Variants in TMC1 observed in about 807,000 individuals in gnomAD.
TMC1 encodes the protein transmembrane channel like 1, also known as transmembrane channel-like protein 1.
In TMC1, 84 loss-of-function variants were observed where a neutral mutation model predicts 105.8. That is an observed-to-expected ratio of 0.79 (90% CI 0.67 to 0.95). The LOEUF (loss-of-function observed/expected upper bound fraction) is 0.95, where lower values mean the gene tolerates loss of function less well. Ranked by LOEUF, TMC1 falls within the 40% of genes least tolerant of loss-of-function variation. TMC1 has a pLI of 0.00. For synonymous variants in TMC1, 315 were observed against 311.5 expected, an observed-to-expected ratio of 1.01 and a Z score of -0.12; for missense variants, 817 against 914.1, an observed-to-expected ratio of 0.89 and a Z score of 1.37.
At chr9:72,713,672 T>C (rs1826871311) in intron 8 of TMC1, among the ~76,000 whole-genome samples, 1 of 152,020 alleles carries the variant, frequency 6.6e-6, no homozygotes, top group Admixed American at 6.6e-5. Context: ...TTTTCTTCTT[T>C]ATTAGTCTGG....
chr9:72,623,162 C>CTT (rs57488888), intron 3 of TMC1, among the ~76,000 whole-genome samples: 8 of 97,136 alleles, frequency 8.2e-5, no homozygotes, highest in South Asian at 3.5e-4. Flanking sequence ...TTTTTTTTTT[C>CTT]TTTTTTTTTT....
intron 7 of TMC1, among the ~76,000 whole-genome samples, chr9:72,695,998 G>T (rs1826544526): frequency 6.6e-6 from 1 of 152,044 alleles, no homozygotes; most frequent in African/African-American, 2.4e-5. Flanking sequence ...TGTAGTAATA[G>T]TTCCTATTTA....
chr9:72,704,371 A>G (rs1826698271), intron 8 of TMC1, among the ~76,000 whole-genome samples: 2 of 152,220 alleles, frequency 1.3e-5, no homozygotes, highest in South Asian at 2.1e-4. Context: ...GGGTTTTAAG[A>G]TATATTTTAG....
At chr9:72,602,255 G>T (rs766729241) in intron 2 of TMC1, among the ~76,000 whole-genome samples, 2 of 151,714 alleles carry the variant, frequency 1.3e-5, no homozygotes, top group African/African-American at 4.8e-5. Context: ...AAGAGCCTGA[G>T]ACTTGAGAAA....
At chr9:72,677,763 T>G (rs1253171539) in intron 5 of TMC1, among the ~76,000 whole-genome samples, 1 of 148,254 alleles carries the variant, frequency 6.7e-6, no homozygotes, top group Non-Finnish European at 1.5e-5. Context: ...AGACTCATGT[T>G]TTGACCTTCC....
chr9:72,620,504 G>A (rs932745945), intron 3 of TMC1, among the ~76,000 whole-genome samples: 1 of 152,066 alleles, frequency 6.6e-6, no homozygotes, highest in African/African-American at 2.4e-5. Flanking sequence ...TCCTACCTCA[G>A]CCTCTCAAAG....
intron 2 of TMC1, among the ~76,000 whole-genome samples, chr9:72,597,551 C>A (rs1315041197): frequency 1.3e-5 from 2 of 152,148 alleles, no homozygotes; most frequent in African/African-American, 4.8e-5. Flanking sequence ...CATTTCCCAC[C>A]CTTCTTACCC....
At chr9:72,788,131 T>G (rs562106437) in intron 13 of TMC1, among the ~76,000 whole-genome samples, 2 of 152,354 alleles carry the variant, frequency 1.3e-5, no homozygotes, top group African/African-American at 4.8e-5. Flanking sequence ...TTTATTAATC[T>G]TGAAGGCCTA....
intron 1 of TMC1, among the ~76,000 whole-genome samples, chr9:72,556,850 A>C (rs1444827856): frequency 2.6e-5 from 4 of 151,606 alleles, no homozygotes; most frequent in East Asian, 3.9e-4. Flanking sequence ...AACAAACAAA[A>C]AAATTGGTTC....
intron 8 of TMC1, among the ~76,000 whole-genome samples, chr9:72,717,242 T>C (rs1193039100): frequency 6.6e-6 from 1 of 152,234 alleles, no homozygotes; most frequent in African/African-American, 2.4e-5. Context: ...TGTTATGTAT[T>C]CTGCAATTCT....
At chr9:72,649,662 A>G (rs1825769358) in intron 5 of TMC1, among the ~76,000 whole-genome samples, 1 of 152,230 alleles carries the variant, frequency 6.6e-6, no homozygotes, top group South Asian at 2.1e-4. Context: ...ATGAGGCTCT[A>G]CACATCTTTC....
At chr9:72,540,716 C>A (rs1288763073) in intron 1 of TMC1, among the ~76,000 whole-genome samples, 1 of 152,088 alleles carries the variant, frequency 6.6e-6, no homozygotes, top group East Asian at 1.9e-4. Flanking sequence ...TTGACTATTA[C>A]AAACCAGGAG....
At chr9:72,749,447 G>A (rs1827543048) in intron 10 of TMC1, among the ~76,000 whole-genome samples, 2 of 152,134 alleles carry the variant, frequency 1.3e-5, no homozygotes, top group African/African-American at 4.8e-5. Context: ...TGGCTGAGCA[G>A]CCCTCAGGTA....
chr9:72,527,885 C>G (rs1274708307), intron 1 of TMC1, among the ~76,000 whole-genome samples: 1 of 152,188 alleles, frequency 6.6e-6, no homozygotes. Flanking sequence ...TCCCACATCT[C>G]CATTTAGTTC....
chr9:72,707,128 A>G (rs1231230792), intron 8 of TMC1, among the ~76,000 whole-genome samples: 2 of 152,192 alleles, frequency 1.3e-5, no homozygotes, highest in Non-Finnish European at 2.9e-5. Flanking sequence ...CATCATGTAT[A>G]TATACCACAA....
At chr9:72,565,016 A>T (rs764305500) in intron 1 of TMC1, among the ~76,000 whole-genome samples, 46 of 152,174 alleles carry the variant, frequency 3.0e-4, no homozygotes, top group Non-Finnish European at 6.0e-4. Context: ...TGGAAAAGAA[A>T]CTCAACCTAT....
chr9:72,631,487 AAG>A (rs1461736167), intron 4 of TMC1, among the ~76,000 whole-genome samples: 1 of 152,228 alleles, frequency 6.6e-6, no homozygotes. Flanking sequence ...ATTTTCTAGA[AAG>A]AGAGAAATTA....
chr9:72,522,418 T>C (rs1043134874), intron 1 of TMC1, among the ~76,000 whole-genome samples: 7 of 152,208 alleles, frequency 4.6e-5, no homozygotes, highest in African/African-American at 1.4e-4. Flanking sequence ...TATGTTTAAA[T>C]GTTAAAATTA....
intron 5 of TMC1, among the ~76,000 whole-genome samples, chr9:72,687,421 C>T (rs1826395625): frequency 6.6e-6 from 1 of 152,156 alleles, no homozygotes; most frequent in Non-Finnish European, 1.5e-5. Context: ...TGGAATATCT[C>T]CTTAGAAGTG....
Sources: allele counts gnomAD v4.1 joint callset (sites outside exome capture counted in the v4.1 genomes callset), GRCh38; gene constraint gnomAD v4.1.1; transcripts MANE v1.5; gene names NCBI Gene and HGNC (gene_info 2026-07-23, HGNC 2026-07-21).